ABCB9: variants seen among roughly 807,000 people sequenced by gnomAD.
The protein encoded by ABCB9 is ABC-type oligopeptide transporter ABCB9.
A neutral mutation model predicts 62.0 loss-of-function variants in ABCB9; 36 were observed. The ratio of observed to expected loss-of-function variants is 0.58; its 90% confidence interval spans 0.45 to 0.77. The LOEUF is 0.77. Among genes scored for constraint, ABCB9 ranks in the 30% least tolerant of loss-of-function variants. The probability of loss-of-function intolerance (pLI) is 0.00; values close to 1 mark genes in which losing one functional copy is unlikely to be tolerated. For missense variants in ABCB9, 943 were observed against 1,054.7 expected (o/e 0.89, Z 1.47); for synonymous variants, 435 against 461.4 (o/e 0.94, Z 0.73).
chr12:122,944,609 G>A lies in ABCB9; in HGVS notation c.1252-90C>T. On this transcript the variant is annotated intron_variant, in intron 6 of 11. Transcript: ENST00000280560. The surrounding 1 kb of genome is among the most constrained non-coding windows in gnomAD (Gnocchi z 4.9). ...TGACCCATCCCAGGCTGCAGGGGGA[G>A]GTGAGGGCAGACCCAGCCACAAACT... is the stretch of plus-strand genomic sequence containing the variant. 1 of 1,545,122 alleles carries A rather than the reference G, an allele frequency of 6.5e-7. No homozygotes were observed. The highest frequency in any genetic ancestry group is 8.8e-7 in the Non-Finnish European group (1 of 1,142,556).
chr12:122,939,929 G>T, intron 9 of ABCB9, 182 bp downstream of exon 9: 2 of 841,734 alleles, frequency 2.4e-6, no homozygotes, highest in Non-Finnish European at 3.5e-6. Context: ...TGGGATTACA[G>T]GTGTGAGCCA....
chr12:122,922,566 G>C (rs772409896), intron 11 of ABCB9, among the ~76,000 whole-genome samples: 5 of 152,162 alleles, frequency 3.3e-5, no homozygotes, highest in Non-Finnish European at 5.9e-5. Flanking sequence ...TTTTAGTAGA[G>C]ATGGGTTTTG....
intron 1 of ABCB9, 61 bp from the exon 2 acceptor site, chr12:122,960,383 T>G: frequency 8.7e-7 from 1 of 1,148,382 alleles, no homozygotes; most frequent in Non-Finnish European, 1.2e-6. Flanking sequence ...GCTGGCTGTG[T>G]GACCTTGAGA....
intron 5 of ABCB9, 136 bp from the exon 6 acceptor site, chr12:122,946,358 C>A: frequency 1.2e-6 from 1 of 833,106 alleles, no homozygotes; most frequent in African/African-American, 1.7e-5. Flanking sequence ...GACAAAAAGA[C>A]AAGATCTAGC....
At position 122,932,108 on chromosome 12, in the gene ABCB9, T is replaced by A; in HGVS notation, c.2040+84A>T. 1 of 1,546,678 alleles carries A rather than the reference T, an allele frequency of 6.5e-7. No individual in the cohort carries two copies. Among genetic ancestry groups the A allele is most frequent in the South Asian group, 1.2e-5 (1 of 83,944 alleles). On this transcript the variant is annotated intron_variant, in intron 11 of 11. Transcript: ENST00000280560. The surrounding 1 kb of genome is among the most constrained non-coding windows in gnomAD (Gnocchi z 4.7). ...GAGAGCTCCTGGGGCCCGTCTCTTCTCAGCATCCATCTGCTGGGCGATGGG... is the reference window on the plus strand; with the variant it reads ...GAGAGCTCCTGGGGCCCGTCTCTTCACAGCATCCATCTGCTGGGCGATGGG...
chr12:122,935,258 C>T lies in ABCB9; in HGVS notation c.1903+14G>A, dbSNP rs779782244. 25 of 1,593,974 alleles carry T rather than the reference C, an allele frequency of 1.6e-5. No individual in the cohort carries two copies. The highest frequency in any genetic ancestry group is 1.2e-4 in the Admixed American group (7 of 57,970). On this transcript the variant is annotated intron_variant, in intron 10 of 11. Transcript: ENST00000280560. ...CCTGTGGGCCCAGGAGAGGGGCCAC[C>T]CCCAGCTCCACACCTGTGCTGTAGC...
upstream of ABCB9, among the ~76,000 whole-genome samples, chr12:122,971,180 C>G (rs1321675865): frequency 1.3e-5 from 2 of 151,842 alleles, no homozygotes; most frequent in African/African-American, 4.8e-5. Context: ...GTCAGGAGTT[C>G]GAGACCAGCC....
chr12:122,954,317 T>G (rs1365212352), intron 2 of ABCB9, among the ~76,000 whole-genome samples: 1 of 152,108 alleles, frequency 6.6e-6, no homozygotes, highest in African/African-American at 2.4e-5. Flanking sequence ...CAAGCGATTC[T>G]CCTGCCTCAG....
At chr12:122,919,008 C>A (rs1257431474), downstream of ABCB9, among the ~76,000 whole-genome samples, 2 of 152,120 alleles carry the variant, frequency 1.3e-5, no homozygotes, top group Non-Finnish European at 2.9e-5. Flanking sequence ...ACCTTCCCTG[C>A]CTGGCATCTT....
intron 10 of ABCB9, among the ~76,000 whole-genome samples, chr12:122,934,967 CCTT>C (rs1401543441): frequency 2.0e-5 from 3 of 152,162 alleles, no homozygotes; most frequent in Non-Finnish European, 2.9e-5. Context: ...ACCTCCTCCC[CCTT>C]CTTCTACTTC....
intron 1 of ABCB9, among the ~76,000 whole-genome samples, chr12:122,962,525 C>T (rs1402111005): frequency 6.6e-6 from 1 of 152,178 alleles, no homozygotes; most frequent in Non-Finnish European, 1.5e-5. Context: ...TCCCACGAGG[C>T]CAGGGTTTCC....
At position 122,932,796 on chromosome 12, in the gene ABCB9, C is replaced by T. The variant is rs76770967; in HGVS notation, c.1904-468G>A. On this transcript the variant is annotated intron_variant, in intron 10 of 11. Coordinates refer to ENST00000280560, the MANE Select transcript of ABCB9 (RefSeq NM_019625.4). This position sits in a 1 kb window ranked among gnomAD's most constrained non-coding sequence, Gnocchi z 4.7. ...TGGACCGACTTCCTCCCATGCACAA[C>T]AATATAGACACAGGTCACCTGTGAC... 6.6e-5 allele frequency among the ~76,000 whole-genome samples: 10 copies of T among 152,284 alleles called. No homozygotes were observed. In the East Asian group the frequency reaches 1.9e-3, roughly 29 times the overall value.
chr12:122,943,532 ATCACT>A (rs1332961828), intron 7 of ABCB9, among the ~76,000 whole-genome samples: 1 of 152,000 alleles, frequency 6.6e-6, no homozygotes, highest in Non-Finnish European at 1.5e-5. Context: ...TTTTCTTTTC[ATCACT>A]TCAATTTCTC....
In ABCB9 at chr12:122,930,081, C is replaced by A; in HGVS notation, c.2131G>T (p.Val711Leu). The A allele has an allele frequency of 6.4e-7, 1 of 1,563,122 alleles. No individual in the cohort carries two copies. The highest frequency in any genetic ancestry group is 8.7e-7 in the Non-Finnish European group (1 of 1,153,868). ...ACTACGCGGCCCTTGTCCAGCACCA[C>A]AATGAGGTGCGCGTGCTCCACGGTG... ...LSTVEHAHLI[V>L]VLDKGRVVQQ... The change falls in exon 12 of 12, where the codon GTG becomes TTG. Residue 711 changes from valine (V) to leucine (L), a missense_variant. By Grantham distance (32) the Val-to-Leu change is conservative. Transcript: ENST00000280560. The surrounding 1 kb of genome is among the most constrained non-coding windows in gnomAD (Gnocchi z 4.9).
chr12:122,941,358 G>A (rs2035755411), intron 7 of ABCB9, among the ~76,000 whole-genome samples: 1 of 150,158 alleles, frequency 6.7e-6, no homozygotes, highest in South Asian at 2.1e-4. Context: ...CGCCCAGGCT[G>A]GAGTGCATTG....
intron 2 of ABCB9, 105 bp from the exon 3 acceptor site, chr12:122,950,670 C>T (rs2036318953): frequency 1.1e-6 from 1 of 912,492 alleles, no homozygotes; most frequent in Non-Finnish European, 1.6e-6. Flanking sequence ...GCCCACTCCA[C>T]CGGTGGGCTT....
chr12:122,945,792 C>T (rs1163510741), intron 6 of ABCB9, among the ~76,000 whole-genome samples: 7 of 150,534 alleles, frequency 4.7e-5, no homozygotes, highest in South Asian at 2.1e-4. Flanking sequence ...GCAGGAGAAT[C>T]GCTTGAACCC....
chr12:122,954,533 C>T (rs1463741347), intron 2 of ABCB9, among the ~76,000 whole-genome samples: 1 of 152,040 alleles, frequency 6.6e-6, no homozygotes, highest in African/African-American at 2.4e-5. Context: ...CATTCCGTCA[C>T]CCAGGCTGGA....
Position 122,959,628 on chromosome 12 carries a change from T to C in ABCB9, c.601+7A>G, listed in dbSNP as rs745407048. The C allele has an allele frequency of 1.6e-5, 24 of 1,541,478 alleles. No individual in the cohort carries two copies. The highest frequency in any genetic ancestry group is 2.0e-5 in the Non-Finnish European group (23 of 1,142,048). ...GGTGGCCACATGTCCCCGAGGTCCT[T>C]ACTTACCCAGAGCTGCCACGATGAG... On this transcript the variant is annotated splice_region_variant and intron_variant, in intron 2 of 11. Transcript: ENST00000280560. The surrounding 1 kb of genome is among the most constrained non-coding windows in gnomAD (Gnocchi z 5.4).
Sources: gnomAD v4.1 joint callset for allele counts (sites outside exome capture counted in the v4.1 genomes callset) on GRCh38, gnomAD v4.1.1 for gene constraint, Gnocchi (gnomAD v3.1) non-coding constraint, MANE v1.5 for transcripts, NCBI Gene and HGNC (gene_info 2026-07-23, HGNC 2026-07-21) for gene names.